STXBP3: variants seen among roughly 807,000 people sequenced by gnomAD.
The protein encoded by STXBP3 is syntaxin-binding protein 3.
Under a neutral mutation model 85.7 loss-of-function variants are expected in STXBP3, and 41 were observed. That is an observed-to-expected ratio of 0.48 (90% CI 0.37 to 0.62). The LOEUF is 0.62. Among genes scored for constraint, STXBP3 ranks in the 20% least tolerant of loss-of-function variants. STXBP3 has a pLI of 0.00. For synonymous variants in STXBP3, 229 were observed against 231.7 expected (o/e 0.99, Z 0.10); for missense variants, 563 against 703.1 (o/e 0.80, Z 2.25).
intron 6 of STXBP3, among the ~76,000 whole-genome samples, chr1:108,763,744 T>C (rs1047790627): frequency 5.3e-5 from 4 of 76,010 alleles, no homozygotes; most frequent in African/African-American, 1.9e-4. Flanking sequence ...CCCAGCTAAT[T>C]TTGTATTTTT....
chr1:108,782,830 A>T, intron 11 of STXBP3, 124 bp downstream of exon 11: 2 of 730,228 alleles, frequency 2.7e-6, no homozygotes, highest in East Asian at 5.7e-5. Flanking sequence ...TAGAGAATGA[A>T]CTCCTACGTA....
At chr1:108,784,975 G>A (rs977766012) in intron 11 of STXBP3, among the ~76,000 whole-genome samples, 2 of 152,208 alleles carry the variant, frequency 1.3e-5, no homozygotes, top group African/African-American at 4.8e-5. Context: ...CATGGCCCTA[G>A]GCAGCTCTGC....
At position 108,782,424 on chromosome 1, in the gene STXBP3, A is replaced by G. The variant is rs1455805056; in HGVS notation, c.812A>G (p.Tyr271Cys). 6.2e-7 allele frequency: 1 copy of G among 1,611,278 alleles called. No homozygotes were observed. The highest frequency in any genetic ancestry group is 8.5e-7 in the Non-Finnish European group (1 of 1,178,934). ...LLPIENDTYK[Y>C]KTDGKEKEAI... ...TTAGTGCTTCTGTCTACTTGTAGAT[A>G]TAAAACAGATGGAAAAGAAAAGGAG... The change falls in exon 10 of 19, where the codon TAT becomes TGT. Residue 271 changes from tyrosine to cysteine, a missense_variant and splice_region_variant. Coordinates refer to ENST00000370008, the MANE Select transcript of STXBP3 (RefSeq NM_007269.4).
intron 6 of STXBP3, chr1:108,767,497 C>A: frequency 5.4e-6 from 1 of 185,958 alleles, no homozygotes. Context: ...TTTATTGCCT[C>A]CAACATGCCT....
intron 18 of STXBP3, 92 bp from the exon 19 acceptor site, chr1:108,808,691 A>T (rs1187916254): frequency 8.2e-6 from 8 of 972,206 alleles, no homozygotes; most frequent in East Asian, 2.5e-5. Context: ...AGGCTACTGC[A>T]CTTTACATAT....
At chr1:108,806,684 T>C (rs1209407476) in intron 17 of STXBP3, among the ~76,000 whole-genome samples, 5 of 152,182 alleles carry the variant, frequency 3.3e-5, no homozygotes, top group Non-Finnish European at 7.4e-5. Flanking sequence ...AACCTAATAC[T>C]ATATCAGCTC....
chr1:108,769,121 T>C (rs1331037548), intron 6 of STXBP3, among the ~76,000 whole-genome samples: 2 of 152,102 alleles, frequency 1.3e-5, no homozygotes, highest in Non-Finnish European at 2.9e-5. Context: ...TACTATATTC[T>C]AACAAAGTAA....
At chr1:108,751,728 T>A (rs2101101232) in intron 1 of STXBP3, among the ~76,000 whole-genome samples, 1 of 152,228 alleles carries the variant, frequency 6.6e-6, no homozygotes, top group East Asian at 1.9e-4. Flanking sequence ...TAAAACATAT[T>A]TAGATAATTT....
chr1:108,764,129 T>C (rs1662206882), intron 6 of STXBP3, among the ~76,000 whole-genome samples: 1 of 152,156 alleles, frequency 6.6e-6, no homozygotes, highest in African/African-American at 2.4e-5. Context: ...AGTGAAAACA[T>C]GTAGTATTTG....
At chr1:108,794,614 C>G (rs1663050584) in intron 12 of STXBP3, among the ~76,000 whole-genome samples, 1 of 152,192 alleles carries the variant, frequency 6.6e-6, no homozygotes, top group Non-Finnish European at 1.5e-5. Context: ...ATGGGAACTA[C>G]AAGATGAGAT....
At chr1:108,748,613 CTT>C (rs749461415) in intron 1 of STXBP3, among the ~76,000 whole-genome samples, 20 of 152,142 alleles carry the variant, frequency 1.3e-4, no homozygotes, top group Non-Finnish European at 2.6e-4. Flanking sequence ...AGGTGGATTG[CTT>C]GAGCTCAGGA....
chr1:108,768,543 A>G (rs1441394593), intron 6 of STXBP3, among the ~76,000 whole-genome samples: 1 of 152,180 alleles, frequency 6.6e-6, no homozygotes, highest in Non-Finnish European at 1.5e-5. Context: ...AGTGCAGGAG[A>G]ACAGCAGGAA....
intron 6 of STXBP3, among the ~76,000 whole-genome samples, chr1:108,770,178 C>T (rs910554368): frequency 6.6e-6 from 1 of 152,026 alleles, no homozygotes; most frequent in Admixed American, 6.6e-5. Context: ...TACCTGTGGT[C>T]CTAGCTACGT....
intron 11 of STXBP3, among the ~76,000 whole-genome samples, chr1:108,788,981 T>C (rs927006959): frequency 1.3e-5 from 2 of 152,116 alleles, no homozygotes; most frequent in African/African-American, 4.8e-5. Flanking sequence ...GGAGAATTGC[T>C]TGAACCTGGG....
rs62648269 is a variant in STXBP3, at chr1:108,771,816, T to C, written c.439-849T>C. ...TATCTATATATATCATATATAAATA[T>C]ATGATATCTATCTATATATCATATA... On this transcript the variant is annotated intron_variant, in intron 6 of 18. Coordinates refer to ENST00000370008, the MANE Select transcript of STXBP3 (RefSeq NM_007269.4). Among the ~76,000 whole-genome samples, 11 of 26,172 alleles carry C rather than the reference T, an allele frequency of 4.2e-4. 2 individuals are homozygous for C. The highest frequency in any genetic ancestry group is 1.4e-3 in the African/African-American group (9 of 6,452). 17.2% of individuals were successfully genotyped at this position (26,172 alleles called of 152,430 possible).
chr1:108,748,540 G>A (rs1215633458), intron 1 of STXBP3, among the ~76,000 whole-genome samples: 3 of 150,662 alleles, frequency 2.0e-5, no homozygotes, highest in South Asian at 2.1e-4. Flanking sequence ...TAAATAAATA[G>A]CTAGCGTAAG....
At chr1:108,755,663 A>G (rs1050425154) in intron 3 of STXBP3, among the ~76,000 whole-genome samples, 10 of 152,192 alleles carry the variant, frequency 6.6e-5, no homozygotes, top group African/African-American at 2.2e-4. Context: ...GTTTTAACAA[A>G]TACATTATTC....
At chr1:108,777,803 T>C (rs1475640588) in intron 8 of STXBP3, among the ~76,000 whole-genome samples, 1 of 152,156 alleles carries the variant, frequency 6.6e-6, no homozygotes, top group Non-Finnish European at 1.5e-5. Context: ...TCAGGCCAAG[T>C]GTTGCTTCCT....
At position 108,800,240 on chromosome 1, in the gene STXBP3, A is replaced by G; in HGVS notation, c.1470A>G (p.Leu490=). The G allele has an allele frequency of 1.2e-6, 2 of 1,610,884 alleles. No individual in the cohort carries two copies. The highest frequency in any genetic ancestry group is 1.7e-6 in the Non-Finnish European group (2 of 1,177,188). ...CTTAGGATGCTATTGATAATAGATT[A>G]GATTCAAAAGAATGGCCATATTGTT... is the stretch of plus-strand genomic sequence containing the variant. ...DIMEDAIDNR[L]DSKEWPYCSQ... The change falls in exon 17 of 19, where the codon TTA becomes TTG. Residue 490 remains leucine, a synonymous_variant. Transcript: ENST00000370008.
Sources: gnomAD v4.1 joint callset for allele counts (sites outside exome capture counted in the v4.1 genomes callset) on GRCh38, gnomAD v4.1.1 for gene constraint, MANE v1.5 for transcripts, NCBI Gene and HGNC (gene_info 2026-07-23, HGNC 2026-07-21) for gene names.